The following MACROD2 variants were observed in gnomAD, a reference collection of about 807,000 sequenced individuals.
MACROD2 encodes mono-ADP ribosylhydrolase 2, also known as ADP-ribose glycohydrolase MACROD2.
MACROD2 carries 36 observed loss-of-function variants against 70.4 expected under a neutral mutation model. The observed-to-expected ratio is 0.51, with a 90% confidence interval of 0.39 to 0.68. The LOEUF is 0.68. Among genes scored for constraint, MACROD2 ranks in the 30% least tolerant of loss-of-function variants. The pLI is 0.00. For missense variants in MACROD2, 496 were observed against 538.4 expected, an observed-to-expected ratio of 0.92 and a Z score of 0.78; for synonymous variants, 172 against 178.8, an observed-to-expected ratio of 0.96 and a Z score of 0.30.
chr20:14,974,897 G>A (rs1393278707), intron 5 of MACROD2, among the ~76,000 whole-genome samples: 2 of 152,102 alleles, frequency 1.3e-5, no homozygotes, highest in Admixed American at 1.3e-4. Flanking sequence ...GTCTAGCAGA[G>A]CTGTTTGCAC....
chr20:15,648,945 T>G (rs1003282755), intron 8 of MACROD2, among the ~76,000 whole-genome samples: 1 of 152,190 alleles, frequency 6.6e-6, no homozygotes, highest in Non-Finnish European at 1.5e-5. Flanking sequence ...TAGAGGAAAT[T>G]TATTGACTCA....
At chr20:15,292,127 C>T (rs1373508284) in intron 6 of MACROD2, among the ~76,000 whole-genome samples, 2 of 152,190 alleles carry the variant, frequency 1.3e-5, no homozygotes, top group Non-Finnish European at 2.9e-5. Flanking sequence ...CCTCCCATCT[C>T]AGCCTCCTGA....
At chr20:14,615,566 C>A (rs1983431014) in intron 4 of MACROD2, among the ~76,000 whole-genome samples, 1 of 151,924 alleles carries the variant, frequency 6.6e-6, no homozygotes, top group Non-Finnish European at 1.5e-5. Context: ...GTATAGGAAA[C>A]AATAGAGGTA....
chr20:15,976,188 C>G (rs148894395), intron 13 of MACROD2, among the ~76,000 whole-genome samples: 117 of 152,310 alleles, frequency 7.7e-4, no homozygotes, highest in East Asian at 3.9e-3. Flanking sequence ...ATGCTTCATT[C>G]TAGACTGATG....
At chr20:15,125,642 T>C (rs2076060968) in intron 5 of MACROD2, among the ~76,000 whole-genome samples, 1 of 152,128 alleles carries the variant, frequency 6.6e-6, no homozygotes, top group Admixed American at 6.6e-5. Context: ...CAAGATAAAA[T>C]AATTTACTGT....
At chr20:14,351,488 A>G (rs761776725) in intron 3 of MACROD2, among the ~76,000 whole-genome samples, 1 of 151,642 alleles carries the variant, frequency 6.6e-6, no homozygotes, top group African/African-American at 2.4e-5. Context: ...TAGGTATTTA[A>G]TTTTATTTGT....
At chr20:14,995,866 A>G (rs2074944913) in intron 5 of MACROD2, among the ~76,000 whole-genome samples, 1 of 152,204 alleles carries the variant, frequency 6.6e-6, no homozygotes, top group African/African-American at 2.4e-5. Flanking sequence ...ATGTATAAGA[A>G]ACTAGAGAAG....
chr20:15,966,511 G>A (rs143194143), intron 12 of MACROD2, among the ~76,000 whole-genome samples: 1,652 of 152,268 alleles, frequency 0.011, 26 homozygotes, highest in African/African-American at 0.037. Context: ...GGGGTATGAG[G>A]CAGGAGGATC....
intron 2 of MACROD2, among the ~76,000 whole-genome samples, chr20:14,047,035 G>A (rs1320870214): frequency 6.6e-6 from 1 of 152,000 alleles, no homozygotes; most frequent in East Asian, 1.9e-4. Context: ...TACAAATATA[G>A]AGTATAGAAA....
chr20:14,174,263 G>A (rs1422009126), intron 3 of MACROD2, among the ~76,000 whole-genome samples: 1 of 152,114 alleles, frequency 6.6e-6, no homozygotes, highest in South Asian at 2.1e-4. Flanking sequence ...TTGGCTACCA[G>A]GGCTGGTAGA....
intron 10 of MACROD2, among the ~76,000 whole-genome samples, chr20:15,912,781 T>C (rs921193673): frequency 2.6e-5 from 4 of 152,352 alleles, no homozygotes; most frequent in Admixed American, 2.6e-4. Flanking sequence ...AAGGTAGTGA[T>C]GATTTGACAT....
chr20:14,709,667 G>A (rs2071314469), intron 5 of MACROD2, among the ~76,000 whole-genome samples: 1 of 152,110 alleles, frequency 6.6e-6, no homozygotes, highest in Admixed American at 6.5e-5. Flanking sequence ...CCATAAAACT[G>A]AAAAATCATG....
chr20:15,871,187 A>AAT (rs1246001272), intron 9 of MACROD2, among the ~76,000 whole-genome samples: 1 of 151,496 alleles, frequency 6.6e-6, no homozygotes, highest in Non-Finnish European at 1.5e-5. Flanking sequence ...AAAAAAAAAA[A>AAT]AAAAAATTAT....
intron 5 of MACROD2, among the ~76,000 whole-genome samples, chr20:14,977,260 A>G (rs1313283641): frequency 2.0e-5 from 3 of 150,192 alleles, no homozygotes; most frequent in Non-Finnish European, 3.0e-5. Flanking sequence ...TCTTCACCAG[A>G]CTCAGCACAT....
At chr20:15,174,891 G>C (rs1207173927) in intron 5 of MACROD2, among the ~76,000 whole-genome samples, 4 of 152,060 alleles carry the variant, frequency 2.6e-5, no homozygotes, top group African/African-American at 4.8e-5. Flanking sequence ...GTTCATTGTA[G>C]ATTCTGGATA....
intron 3 of MACROD2, among the ~76,000 whole-genome samples, chr20:14,410,341 G>A (rs1388229358): frequency 2.0e-5 from 3 of 151,674 alleles, no homozygotes; most frequent in Non-Finnish European, 4.4e-5. Context: ...CAGGTAGTGA[G>A]CATAGTACCC....
chr20:15,165,474 CAAAT>C (rs1329312084), intron 5 of MACROD2, among the ~76,000 whole-genome samples: 1 of 152,106 alleles, frequency 6.6e-6, no homozygotes, highest in Non-Finnish European at 1.5e-5. Flanking sequence ...CAACTAGACA[CAAAT>C]AAATTCGGAA....
chr20:14,486,053 G>A (rs988689792), intron 3 of MACROD2, among the ~76,000 whole-genome samples: 2 of 151,996 alleles, frequency 1.3e-5, no homozygotes, highest in Non-Finnish European at 2.9e-5. Context: ...AGGTCCCAGC[G>A]GGAAACAGAT....
At chr20:14,762,109 G>T (rs2072023251) in intron 5 of MACROD2, among the ~76,000 whole-genome samples, 1 of 152,030 alleles carries the variant, frequency 6.6e-6, no homozygotes, top group African/African-American at 2.4e-5. Context: ...TGGTGAGGCT[G>T]ATCACTTCCT....
Sources: gnomAD v4.1 joint callset for allele counts (sites outside exome capture counted in the v4.1 genomes callset) on GRCh38, gnomAD v4.1.1 for gene constraint, MANE v1.5 for transcripts, NCBI Gene and HGNC (gene_info 2026-07-23, HGNC 2026-07-21) for gene names.